Variants in ARRDC5 observed in about 807,000 individuals in gnomAD.
The protein encoded by ARRDC5 is arrestin domain containing 5.
Under a neutral mutation model 13.3 loss-of-function variants are expected in ARRDC5, and 12 were observed. The ratio of observed to expected loss-of-function variants is 0.90; its 90% CI spans 0.58 to 1.46. The LOEUF (loss-of-function observed/expected upper bound fraction) is 1.46, where lower values mean the gene tolerates loss of function less well. Ranked by LOEUF, ARRDC5 falls within the 40% of genes most tolerant of loss-of-function variation. ARRDC5 has a pLI of 0.00. For missense variants in ARRDC5, 406 were observed against 418.7 expected (o/e 0.97, Z 0.26); for synonymous variants, 181 against 173.4 (o/e 1.04, Z -0.34).
At chr19:4,913,343 T>A in the ARRDC5 span, among the ~76,000 whole-genome samples, 2 of 147,394 alleles carry the variant, frequency 1.4e-5, no homozygotes, top group East Asian at 4.0e-4. Context: ...AACCTTCATC[T>A]CCCAAGTTCA....
upstream of ARRDC5, among the ~76,000 whole-genome samples, chr19:4,905,863 T>G (rs1004572117): frequency 3.3e-5 from 5 of 152,178 alleles, no homozygotes; most frequent in African/African-American, 1.2e-4. Flanking sequence ...CTTCTTCCAA[T>G]GTGGCCCAGG....
At chr19:4,898,680 T>TTTTTTTTTTTTA (rs2031813144) in intron 1 of ARRDC5, among the ~76,000 whole-genome samples, 12 of 144,142 alleles carry the variant, frequency 8.3e-5, no homozygotes, top group South Asian at 2.3e-4. Flanking sequence ...TTTTTTTTTT[T>TTTTTTTTTTTTA]GAGACAGGGT....
chr19:4,911,133 C>G, the ARRDC5 span: 188 of 1,254,862 alleles, frequency 1.5e-4, no homozygotes, highest in South Asian at 3.5e-4. Context: ...ACCTCCCCCC[C>G]CAACAACCTC....
chr19:4,915,592 A>G, the ARRDC5 span, among the ~76,000 whole-genome samples: 10 of 152,042 alleles, frequency 6.6e-5, no homozygotes, highest in Non-Finnish European at 5.9e-5. Context: ...GCATGTCTGT[A>G]GTTCCACTTA....
At chr19:4,907,056 A>C (rs1335471891), upstream of ARRDC5, among the ~76,000 whole-genome samples, 1 of 152,232 alleles carries the variant, frequency 6.6e-6, no homozygotes, top group Non-Finnish European at 1.5e-5. Flanking sequence ...ATTAGAATGC[A>C]GGAGCTTCCC....
chr19:4,891,660 A>G, intron 2 of ARRDC5, 87 bp from the exon 3 acceptor site: 6 of 1,281,872 alleles, frequency 4.7e-6, no homozygotes, highest in Non-Finnish European at 6.4e-6. Context: ...GGAACTCCTC[A>G]AAGTCTGTGG....
At chr19:4,908,327 G>A in the ARRDC5 span, among the ~76,000 whole-genome samples, 2 of 152,160 alleles carry the variant, frequency 1.3e-5, no homozygotes, top group South Asian at 4.1e-4. Context: ...AGATAGAGGA[G>A]ACTTAATAGA....
intron 2 of ARRDC5, among the ~76,000 whole-genome samples, chr19:4,891,969 G>T (rs1483783669): frequency 8.3e-6 from 1 of 119,964 alleles, no homozygotes; most frequent in African/African-American, 3.4e-5. Context: ...AAAAAAAAAA[G>T]TCTCTGGGGC....
upstream of ARRDC5, among the ~76,000 whole-genome samples, chr19:4,904,469 G>A (rs965168265): frequency 2.6e-5 from 4 of 151,604 alleles, no homozygotes; most frequent in Non-Finnish European, 4.4e-5. Context: ...GTGAGCCACC[G>A]CACCCAGCCA....
At chr19:4,899,369 C>G (rs1348325116) in intron 1 of ARRDC5, among the ~76,000 whole-genome samples, 2 of 151,914 alleles carry the variant, frequency 1.3e-5, no homozygotes, top group African/African-American at 4.8e-5. Context: ...GTGGCTCATG[C>G]CTGTAATCCC....
At chr19:4,898,105 TAAAC>T (rs1014043915) in intron 1 of ARRDC5, among the ~76,000 whole-genome samples, 65 of 151,774 alleles carry the variant, frequency 4.3e-4, no homozygotes, top group African/African-American at 1.5e-3. Flanking sequence ...AATAAATAAA[TAAAC>T]AAAGTAGTAT....
the ARRDC5 span, among the ~76,000 whole-genome samples, chr19:4,914,862 T>C: frequency 6.6e-6 from 1 of 152,098 alleles, no homozygotes; most frequent in Non-Finnish European, 1.5e-5. Context: ...GGTTGTGGAT[T>C]TGAAGGGCGG....
chr19:4,909,272 C>G, the ARRDC5 span: 2 of 528,612 alleles, frequency 3.8e-6, no homozygotes, highest in Non-Finnish European at 6.6e-6. Context: ...TGACCAGGCC[C>G]TGCCACGCAG....
At chr19:4,916,645 C>T in the ARRDC5 span, among the ~76,000 whole-genome samples, 45 of 152,042 alleles carry the variant, frequency 3.0e-4, no homozygotes, top group Non-Finnish European at 5.7e-4. Context: ...TCCACGCCAC[C>T]GCCGCCCCCT....
chr19:4,904,901 A>G (rs926319732), upstream of ARRDC5, among the ~76,000 whole-genome samples: 1 of 152,132 alleles, frequency 6.6e-6, no homozygotes, highest in Non-Finnish European at 1.5e-5. Context: ...AGGGAGGGAC[A>G]TTGAATCATA....
In ARRDC5 at chr19:4,893,059, C is replaced by T. The variant is rs181424233; in HGVS notation, c.460-1486G>A. 7.7e-4 allele frequency among the ~76,000 whole-genome samples: 113 copies of T among 147,424 alleles called. No individual in the cohort carries two copies. The East Asian group carries it at 0.015, about 20-fold the overall frequency. On this transcript the variant is annotated intron_variant, in intron 2 of 2. Coordinates refer to ENST00000650722, the MANE Select transcript of ARRDC5 (RefSeq NM_001080523.3). ...TGGAGGTTGAAGTTAGCTGAGATCG[C>T]GCCACTGCACTCCAGTCTGGCGAAA...
At chr19:4,893,160 A>AT in intron 2 of ARRDC5, among the ~76,000 whole-genome samples, 1 of 141,666 alleles carries the variant, frequency 7.1e-6, no homozygotes, top group Non-Finnish European at 1.5e-5. Flanking sequence ...GAATATATAT[A>AT]ATATATTATT....
upstream of ARRDC5, among the ~76,000 whole-genome samples, chr19:4,904,670 G>A (rs887707411): frequency 1.6e-4 from 24 of 152,218 alleles, no homozygotes; most frequent in Non-Finnish European, 1.9e-4. Flanking sequence ...TCCCTCCAGG[G>A]TGAGACCTTG....
intron 1 of ARRDC5, among the ~76,000 whole-genome samples, chr19:4,902,294 G>A (rs1028737923): frequency 5.9e-5 from 9 of 152,170 alleles, no homozygotes; most frequent in Non-Finnish European, 1.0e-4. Context: ...CTTCTCAGAG[G>A]CCTCTCAAAG....
Sources: gnomAD v4.1 joint callset for allele counts (sites outside exome capture counted in the v4.1 genomes callset) on GRCh38, gnomAD v4.1.1 for gene constraint, MANE v1.5 for transcripts, NCBI Gene and HGNC (gene_info 2026-07-23, HGNC 2026-07-21) for gene names.